CENPP: variants seen among roughly 807,000 people sequenced by gnomAD.
CENPP encodes the protein centromere protein P.
In CENPP, 24 loss-of-function variants were observed where a neutral mutation model predicts 35.6. The observed-to-expected ratio is 0.67, with a 90% CI of 0.49 to 0.95. The LOEUF (loss-of-function observed/expected upper bound fraction) is 0.95. CENPP is among the 40% of genes least tolerant of loss of function. The probability of loss-of-function intolerance (pLI) is 0.00; values close to 1 mark genes in which losing one functional copy is unlikely to be tolerated. For missense variants in CENPP, 332 were observed against 345.3 expected, an observed-to-expected ratio of 0.96 and a Z score of 0.31; for synonymous variants, 120 against 125.5, an observed-to-expected ratio of 0.96 and a Z score of 0.29.
rs980472372 is a variant in CENPP at position 92,619,952 on chromosome 9, C to G, written c.*6803C>G. The stretch of plus-strand genomic sequence containing the variant: ...CTCAGAGTATCAAGTGAGTATCACT[C>G]GACACCTGCAAGGAGAGCGCAGGGG... On this transcript the variant is annotated 3_prime_UTR_variant, in exon 8 of 8. Coordinates refer to ENST00000375587, the MANE Select transcript of CENPP (RefSeq NM_001012267.3). 6 of 251,994 alleles carry G rather than the reference C, an allele frequency of 2.4e-5. No individual in the cohort carries two copies. The highest frequency in any genetic ancestry group is 4.9e-5 in the Non-Finnish European group (6 of 122,932). 15.6% of individuals were successfully genotyped at this position (251,994 alleles called of 1,614,324 possible).
chr9:92,328,786 C>T (rs1488573936), intron 1 of CENPP, among the ~76,000 whole-genome samples: 1 of 152,184 alleles, frequency 6.6e-6, no homozygotes, highest in Non-Finnish European at 1.5e-5. Flanking sequence ...AGTTGAAATA[C>T]ACAAATATTT....
chr9:92,349,151 T>C (rs1393360209), intron 4 of CENPP, among the ~76,000 whole-genome samples: 1 of 152,244 alleles, frequency 6.6e-6, no homozygotes, highest in Admixed American at 6.5e-5. Flanking sequence ...CATGCCTTTT[T>C]TCCTTTGTGT....
chr9:92,427,944 C>T (rs886585235), intron 5 of CENPP, among the ~76,000 whole-genome samples: 1 of 152,140 alleles, frequency 6.6e-6, no homozygotes, highest in African/African-American at 2.4e-5. Context: ...GGTACTCTCA[C>T]AGGTAGCCAG....
intron 5 of CENPP, chr9:92,416,668 A>G: frequency 6.2e-7 from 1 of 1,608,460 alleles, no homozygotes; most frequent in Non-Finnish European, 8.5e-7. Flanking sequence ...TTCTTGGAAT[A>G]TAGAATGCTT....
intron 5 of CENPP, among the ~76,000 whole-genome samples, chr9:92,406,233 G>T (rs1199922207): frequency 6.6e-6 from 1 of 152,126 alleles, no homozygotes; most frequent in African/African-American, 2.4e-5. Flanking sequence ...CATACTGCTG[G>T]AGCTTGGAGG....
chr9:92,553,649 T>TTTTA (rs1456070482), intron 5 of CENPP, among the ~76,000 whole-genome samples: 4 of 152,254 alleles, frequency 2.6e-5, no homozygotes, highest in East Asian at 3.9e-4. Flanking sequence ...TTCCTAAATA[T>TTTTA]TTTATTTATT....
In CENPP at chr9:92,515,021, C is replaced by T. The variant is rs142198335; in HGVS notation, c.565-96293C>T. 123 of 1,614,130 alleles carry T rather than the reference C, an allele frequency of 7.6e-5. No homozygotes were observed. The African/African-American group carries it at 1.4e-3, about 18-fold the overall frequency. On this transcript the variant is annotated intron_variant, in intron 5 of 7. Transcript: ENST00000375587. The stretch of plus-strand genomic sequence containing the variant: ...GTCTCTCTCTTTTGCTCTGTATCTT[C>T]TTCTTTCACTTCTTCATCCTCCTCA...
At chr9:92,399,454 C>G (rs147947419) in intron 5 of CENPP, among the ~76,000 whole-genome samples, 1 of 151,896 alleles carries the variant, frequency 6.6e-6, no homozygotes, top group Non-Finnish European at 1.5e-5. Context: ...GTTATATTAT[C>G]TGTGAGCTCT....
At chr9:92,405,723 G>A (rs1333728169) in intron 5 of CENPP, among the ~76,000 whole-genome samples, 1 of 152,194 alleles carries the variant, frequency 6.6e-6, no homozygotes, top group East Asian at 1.9e-4. Context: ...CAAATTTAGA[G>A]AATCTTAGAG....
intron 4 of CENPP, among the ~76,000 whole-genome samples, chr9:92,346,177 GTTT>G (rs959524142): frequency 6.6e-6 from 1 of 152,006 alleles, no homozygotes; most frequent in Non-Finnish European, 1.5e-5. Context: ...AGGAATTTTT[GTTT>G]TTTATTATTT....
intron 4 of CENPP, among the ~76,000 whole-genome samples, chr9:92,373,389 C>T (rs1195026881): frequency 6.6e-6 from 1 of 152,098 alleles, no homozygotes; most frequent in African/African-American, 2.4e-5. Context: ...ATATTTCCTT[C>T]AGTGATTTCT....
chr9:92,396,105 G>GT (rs761569492), intron 5 of CENPP, among the ~76,000 whole-genome samples: 157 of 152,156 alleles, frequency 1.0e-3, no homozygotes, highest in Admixed American at 2.6e-3. Context: ...TTTCAGCACC[G>GT]TTTTTTAAAA....
chr9:92,378,900 T>C (rs1842183332), intron 4 of CENPP, among the ~76,000 whole-genome samples: 1 of 152,150 alleles, frequency 6.6e-6, no homozygotes, highest in Non-Finnish European at 1.5e-5. Context: ...TGCAGCTCAG[T>C]TCAGTTCTCA....
rs1851469953 is a variant in CENPP at position 92,617,270 on chromosome 9, G to A, written c.*4121G>A. On this transcript the variant is annotated 3_prime_UTR_variant, in exon 8 of 8. Transcript: ENST00000375587. ...CCTGAGACCCAAGCTGGGTGCACCT[G>A]GGCTGGAACAGTCACATCCCCAGCC... is the stretch of plus-strand genomic sequence containing the variant. 1 of 152,172 alleles carries A rather than the reference G, an allele frequency of 6.6e-6. No homozygotes were observed. Among genetic ancestry groups the A allele is most frequent in the Non-Finnish European group, 1.5e-5 (1 of 68,068 alleles). The allele number at this position is 152,172 out of a possible 1,614,324, so 9.4% of individuals were successfully genotyped here.
intron 5 of CENPP, among the ~76,000 whole-genome samples, chr9:92,518,142 A>G (rs548026988): frequency 1.3e-5 from 2 of 152,180 alleles, no homozygotes; most frequent in Non-Finnish European, 1.5e-5. Context: ...TTTTGTATCC[A>G]TCAGGATAGA....
intron 5 of CENPP, among the ~76,000 whole-genome samples, chr9:92,541,258 CAAAAT>C (rs999853973): frequency 1.8e-4 from 27 of 152,080 alleles, no homozygotes; most frequent in East Asian, 5.8e-4. Context: ...GACTCCATCT[CAAAAT>C]AAAATAAAAT....
intron 5 of CENPP, among the ~76,000 whole-genome samples, chr9:92,485,045 C>T (rs1846023003): frequency 6.6e-6 from 1 of 152,224 alleles, no homozygotes; most frequent in Non-Finnish European, 1.5e-5. Context: ...GCCTCAGGCA[C>T]AACCCTCCAC....
intron 5 of CENPP, chr9:92,403,271 T>G (rs867387609): frequency 1.2e-6 from 2 of 1,602,656 alleles, no homozygotes; most frequent in East Asian, 2.2e-5. Flanking sequence ...ATCCTCATAA[T>G]CTTGGCTAAA....
chr9:92,538,501 A>G (rs1239224950), intron 5 of CENPP, among the ~76,000 whole-genome samples: 2 of 152,242 alleles, frequency 1.3e-5, no homozygotes, highest in Non-Finnish European at 2.9e-5. Flanking sequence ...AATACAAACA[A>G]TCAAAAAAGA....
Sources: gnomAD v4.1 joint callset for allele counts (sites outside exome capture counted in the v4.1 genomes callset) on GRCh38, gnomAD v4.1.1 for gene constraint, MANE v1.5 for transcripts, NCBI Gene and HGNC (gene_info 2026-07-23, HGNC 2026-07-21) for gene names.